TLR6: variants seen among roughly 807,000 people sequenced by gnomAD.
TLR6 encodes toll like receptor 6.
TLR6 carries 9 observed loss-of-function variants against 16.1 expected under a neutral mutation model. The observed-to-expected ratio is 0.56, with a 90% CI of 0.34 to 0.98. TLR6 has a LOEUF of 0.98. Ranked by LOEUF, TLR6 falls within the 50% of genes least tolerant of loss-of-function variation. The probability of loss-of-function intolerance (pLI) is 0.02; values close to 1 mark genes in which losing one functional copy is unlikely to be tolerated. For synonymous variants in TLR6, 340 were observed against 338.6 expected, an observed-to-expected ratio of 1.00 and a Z score of -0.04; for missense variants, 786 against 921.0, an observed-to-expected ratio of 0.85 and a Z score of 1.90.
At chr4:38,840,251 A>C (rs1160162505) in intron 1 of TLR6, among the ~76,000 whole-genome samples, 1 of 152,254 alleles carries the variant, frequency 6.6e-6, no homozygotes, top group African/African-American at 2.4e-5. Context: ...ATGAAATACC[A>C]GGAGTTCTCA....
intron 1 of TLR6, among the ~76,000 whole-genome samples, chr4:38,842,221 C>T (rs1461444284): frequency 2.6e-5 from 4 of 152,030 alleles, no homozygotes; most frequent in African/African-American, 9.7e-5. Flanking sequence ...AATGTGATGA[C>T]CAAAGCCCTG....
exon 2 of TLR6, chr4:38,825,445 AG>A (rs1315959377): frequency 6.6e-6 from 1 of 152,184 alleles, no homozygotes; most frequent in Non-Finnish European, 1.5e-5. Context: ...GCAAGGGAAG[AG>A]GGTATTACAC....
upstream of TLR6, among the ~76,000 whole-genome samples, chr4:38,861,290 G>A (rs1009379278): frequency 1.3e-5 from 2 of 152,010 alleles, no homozygotes; most frequent in Admixed American, 1.3e-4. Flanking sequence ...TGGCCTCTGA[G>A]TTCTTGGACA....
At chr4:38,851,898 T>C (rs1352790845) in intron 1 of TLR6, among the ~76,000 whole-genome samples, 1 of 151,854 alleles carries the variant, frequency 6.6e-6, no homozygotes, top group Non-Finnish European at 1.5e-5. Flanking sequence ...TCATATGGGG[T>C]CAAAAAAGAG....
intron 1 of TLR6, among the ~76,000 whole-genome samples, chr4:38,835,976 G>A (rs1414992985): frequency 6.6e-6 from 1 of 152,010 alleles, no homozygotes; most frequent in Non-Finnish European, 1.5e-5. Context: ...CAAAAACAAT[G>A]CTAAGATGGA....
At chr4:38,849,891 T>C (rs1712696442) in intron 1 of TLR6, among the ~76,000 whole-genome samples, 1 of 152,168 alleles carries the variant, frequency 6.6e-6, no homozygotes, top group Admixed American at 6.5e-5. Flanking sequence ...GCGAACCTAA[T>C]AGACATCTAC....
At chr4:38,828,883 T>A in exon 2 of TLR6, 1 of 1,612,966 alleles carries the variant, frequency 6.2e-7, no homozygotes, top group Non-Finnish European at 8.5e-7. Flanking sequence ...GGTGAAGGGT[T>A]TTTGCATTCA....
At chr4:38,850,903 C>A (rs920207551) in intron 1 of TLR6, among the ~76,000 whole-genome samples, 7 of 152,102 alleles carry the variant, frequency 4.6e-5, no homozygotes, top group African/African-American at 1.7e-4. Flanking sequence ...ATCCTGATAC[C>A]AAAGCCTGGC....
chr4:38,860,559 C>T (rs954828192), upstream of TLR6, among the ~76,000 whole-genome samples: 5 of 150,616 alleles, frequency 3.3e-5, no homozygotes, highest in South Asian at 4.2e-4. Context: ...AAAGACAAGC[C>T]GCAGACTGGG....
At chr4:38,868,028 C>T in the TLR6 span, 3 of 424,054 alleles carry the variant, frequency 7.1e-6, no homozygotes, top group Non-Finnish European at 9.5e-6. Flanking sequence ...GGCGGCGCGG[C>T]CGAGGGACCT....
chr4:38,829,519 C>T (rs56287514), exon 2 of TLR6: 2 of 1,188,662 alleles, frequency 1.7e-6, no homozygotes, highest in African/African-American at 1.5e-5. Context: ...TTCAGAGCAT[C>T]TTGATATGAG....
chr4:38,866,220 G>A, the TLR6 span, among the ~76,000 whole-genome samples: 3 of 150,910 alleles, frequency 2.0e-5, no homozygotes, highest in Non-Finnish European at 2.9e-5. Context: ...AGCCAGGCAC[G>A]GTGGCTCATG....
chr4:38,844,531 C>T (rs1712431995), intron 1 of TLR6, among the ~76,000 whole-genome samples: 1 of 149,666 alleles, frequency 6.7e-6, no homozygotes, highest in South Asian at 2.1e-4. Context: ...AAAATAAAAA[C>T]ATATATGGAA....
At chr4:38,852,997 A>T (rs936167338) in intron 1 of TLR6, among the ~76,000 whole-genome samples, 2 of 151,950 alleles carry the variant, frequency 1.3e-5, no homozygotes, top group African/African-American at 2.4e-5. Flanking sequence ...TCCATCAATG[A>T]TAGACTGGAT....
the TLR6 span, among the ~76,000 whole-genome samples, chr4:38,867,114 C>G: frequency 6.3e-3 from 960 of 152,356 alleles, 11 homozygotes; most frequent in African/African-American, 0.022. Context: ...AACGAATCCT[C>G]ATTTTTAAGG....
At chr4:38,834,661 G>A (rs1159145312) in intron 1 of TLR6, among the ~76,000 whole-genome samples, 1 of 152,062 alleles carries the variant, frequency 6.6e-6, no homozygotes. Context: ...AAAAAGTCAA[G>A]TCATATAGAA....
In TLR6 at chr4:38,856,093, T is replaced by C. The variant is rs138641369; in HGVS notation, c.-65+668A>G. On this transcript the variant is annotated intron_variant, in intron 1 of 1. Coordinates refer to ENST00000436693, the Ensembl canonical transcript of TLR6. Reference sequence around the variant, plus strand: ...AAAAACATTGTTTCATTTGTCAAACTGAAGGTGGAAGGACCTGGAGGAAGG... The same window carrying C: ...AAAAACATTGTTTCATTTGTCAAACCGAAGGTGGAAGGACCTGGAGGAAGG... Among the ~76,000 whole-genome samples, 524 of 152,308 alleles carry C rather than the reference T, an allele frequency of 3.4e-3. 2 individuals are homozygous for C. The highest frequency in any genetic ancestry group is 0.012 in the African/African-American group (478 of 41,554).
chr4:38,831,028 GAAAA>G (rs58030836), intron 1 of TLR6, among the ~76,000 whole-genome samples: 127 of 144,284 alleles, frequency 8.8e-4, no homozygotes, highest in African/African-American at 2.6e-3. Context: ...TCATTCACAG[GAAAA>G]AAAAAAAAAA....
chr4:38,839,411 A>G (rs566334543), intron 1 of TLR6, among the ~76,000 whole-genome samples: 1 of 152,318 alleles, frequency 6.6e-6, no homozygotes, highest in South Asian at 2.1e-4. Context: ...TGTACTCAAA[A>G]AATAGTTATT....
Sources: gnomAD v4.1 joint callset for allele counts (sites outside exome capture counted in the v4.1 genomes callset) on GRCh38, gnomAD v4.1.1 for gene constraint, MANE v1.5 for transcripts, NCBI Gene and HGNC (gene_info 2026-07-23, HGNC 2026-07-21) for gene names.